PUS10: variants seen among roughly 807,000 people sequenced by gnomAD.
PUS10 encodes pseudouridine synthase 10.
A neutral mutation model predicts 75.0 loss-of-function variants in PUS10; 59 were observed. The observed-to-expected ratio is 0.79, with a 90% CI of 0.64 to 0.98. The LOEUF (loss-of-function observed/expected upper bound fraction) is 0.98, where lower values mean the gene tolerates loss of function less well. Among genes scored for constraint, PUS10 ranks in the 50% least tolerant of loss-of-function variants. PUS10 has a pLI of 0.00. For synonymous variants in PUS10, 219 were observed against 211.6 expected (o/e 1.03, Z -0.30); for missense variants, 650 against 614.4 (o/e 1.06, Z -0.61).
At chr2:60,980,850 T>C (rs1272393285) in intron 4 of PUS10, among the ~76,000 whole-genome samples, 2 of 152,234 alleles carry the variant, frequency 1.3e-5, no homozygotes, top group Admixed American at 6.5e-5. Context: ...TAAATTGTTA[T>C]ATGTAGATCA....
In PUS10 at chr2:60,942,157, TG is replaced by T; in HGVS notation, c.*237del. ...ATTTCATTATTCATAGTTTGGTTTG[TG>T]GGGGTGAAAGAGGGAATGAGAAAAA... On this transcript the variant is annotated 3_prime_UTR_variant, in exon 18 of 18. Transcript: ENST00000316752. 1 of 460,074 alleles carries T rather than the reference TG, an allele frequency of 2.2e-6. No homozygotes were observed. Among genetic ancestry groups the T allele is most frequent in the Non-Finnish European group, 4.0e-6 (1 of 252,754 alleles). 28.5% of individuals were successfully genotyped at this position (460,074 alleles called of 1,614,324 possible).
chr2:60,980,558 A>T (rs1275275246), intron 4 of PUS10, among the ~76,000 whole-genome samples: 1 of 152,190 alleles, frequency 6.6e-6, no homozygotes, highest in East Asian at 1.9e-4. Flanking sequence ...TATCATCAGA[A>T]ATCCACTAGC....
intron 16 of PUS10, among the ~76,000 whole-genome samples, chr2:60,947,820 C>T (rs1334091755): frequency 4.0e-5 from 5 of 124,930 alleles, no homozygotes; most frequent in African/African-American, 1.5e-4. Context: ...CAGAGCGAGA[C>T]TCTGCCTCAA....
At chr2:60,963,002 C>G in intron 8 of PUS10, 112 bp from the exon 9 acceptor site, 1 of 1,405,476 alleles carries the variant, frequency 7.1e-7, no homozygotes, top group Non-Finnish European at 9.2e-7. Context: ...TATATCATTT[C>G]ATATACTTAA....
chr2:60,950,263 A>G (rs958881093), intron 15 of PUS10, among the ~76,000 whole-genome samples: 4 of 152,226 alleles, frequency 2.6e-5, no homozygotes, highest in Non-Finnish European at 4.4e-5. Context: ...AAATATTCAC[A>G]CTATAAACAT....
intron 11 of PUS10, among the ~76,000 whole-genome samples, chr2:60,956,974 C>CAAAAAAAAAAAAAAAA (rs56804354): frequency 3.6e-4 from 7 of 19,248 alleles, no homozygotes; most frequent in African/African-American, 9.5e-4. Context: ...GACTCCATCT[C>CAAAAAAAAAAAAAAAA]AAAAAAAAAA....
At chr2:60,955,385 A>G (rs1198492738) in intron 11 of PUS10, among the ~76,000 whole-genome samples, 2 of 152,072 alleles carry the variant, frequency 1.3e-5, no homozygotes, top group Admixed American at 6.6e-5. Flanking sequence ...GCTGGAGTGC[A>G]GCAGCGTGAT....
intron 4 of PUS10, among the ~76,000 whole-genome samples, chr2:60,992,724 T>C (rs1558960251): frequency 6.6e-6 from 1 of 152,222 alleles, no homozygotes; most frequent in African/African-American, 2.4e-5. Context: ...CATGACCACA[T>C]TTAAATAAAA....
In PUS10 at chr2:60,954,075, G is replaced by A; in HGVS notation, c.1134+7C>T. 5 of 1,613,476 alleles carry A rather than the reference G, an allele frequency of 3.1e-6. No homozygotes were observed. The highest frequency in any genetic ancestry group is 4.2e-6 in the Non-Finnish European group (5 of 1,179,366). Reference sequence around the variant, plus strand: ...CATGACGATTTCCATGGCATGAAGTGGTTTACCTGCTGAAGTTCCTTAATT... The same window carrying A: ...CATGACGATTTCCATGGCATGAAGTAGTTTACCTGCTGAAGTTCCTTAATT... On this transcript the variant is annotated splice_region_variant and intron_variant, in intron 13 of 17. Coordinates refer to ENST00000316752, the MANE Select transcript of PUS10 (RefSeq NM_144709.4).
At chr2:60,995,779 G>C (rs1429070293) in intron 4 of PUS10, among the ~76,000 whole-genome samples, 2 of 151,966 alleles carry the variant, frequency 1.3e-5, no homozygotes, top group Non-Finnish European at 2.9e-5. Context: ...TTTTAAAGAG[G>C]CCAAATGTGA....
rs745465894 is a variant in PUS10, at chr2:61,017,768, C to T, written c.-16+240G>A. 69 of 1,549,342 alleles carry T rather than the reference C, an allele frequency of 4.5e-5. No homozygotes were observed. Among genetic ancestry groups the T allele is most frequent in the Non-Finnish European group, 5.6e-5 (64 of 1,146,576 alleles). On this transcript the variant is annotated intron_variant, in intron 1 of 17. Coordinates refer to ENST00000316752, the MANE Select transcript of PUS10 (RefSeq NM_144709.4). Reference sequence around the variant, plus strand: ...GAGAGGAGGCGGAGGAGATGGCGTCCCAGCCGCCACCTCCCCCCAAACCCT... The same window carrying T: ...GAGAGGAGGCGGAGGAGATGGCGTCTCAGCCGCCACCTCCCCCCAAACCCT...
chr2:60,979,630 G>A (rs970474962), intron 4 of PUS10, among the ~76,000 whole-genome samples: 7 of 152,022 alleles, frequency 4.6e-5, no homozygotes, highest in African/African-American at 1.7e-4. Flanking sequence ...CTGAATCTAG[G>A]TGTCTCCTCT....
chr2:60,961,238 T>A (rs1241868116), intron 10 of PUS10, among the ~76,000 whole-genome samples: 1 of 152,226 alleles, frequency 6.6e-6, no homozygotes, highest in East Asian at 1.9e-4. Context: ...CTAGGAAGTG[T>A]CATTTCCCTT....
At position 61,006,642 on chromosome 2, in the gene PUS10, A is replaced by G; in HGVS notation, c.383T>C (p.Val128Ala). The G allele has an allele frequency of 1.9e-6, 3 of 1,610,272 alleles. No individual in the cohort carries two copies. Among genetic ancestry groups the G allele is most frequent in the Non-Finnish European group, 2.5e-6 (3 of 1,178,132 alleles). The stretch of plus-strand genomic sequence containing the variant: ...CCCAGAGGCCTCAACCTTTTGGCAC[A>G]CCTGAAAAAGCATTACAATTATGTA... ...EFCEKDFIKK[V>A]CQKVEASGFE... The change falls in exon 4 of 18, where the codon GTG becomes GCG. Residue 128 changes from valine (V) to alanine (A), a missense_variant and splice_region_variant. Transcript: ENST00000316752.
At chr2:60,997,474 G>A (rs1384135873) in intron 4 of PUS10, among the ~76,000 whole-genome samples, 1 of 152,094 alleles carries the variant, frequency 6.6e-6, no homozygotes, top group African/African-American at 2.4e-5. Flanking sequence ...GCCAGGCCGG[G>A]TGGCAGGCAC....
chr2:60,952,523 C>A (rs891447813), intron 15 of PUS10, among the ~76,000 whole-genome samples: 10 of 152,182 alleles, frequency 6.6e-5, no homozygotes, highest in African/African-American at 2.4e-4. Flanking sequence ...TGTATTTAAT[C>A]TCAGCATCAG....
intron 4 of PUS10, among the ~76,000 whole-genome samples, chr2:61,003,403 A>G (rs1016047409): frequency 1.3e-5 from 2 of 151,530 alleles, no homozygotes; most frequent in Non-Finnish European, 2.9e-5. Context: ...CGGAGGCTGC[A>G]GTGAGCAGAG....
chr2:60,988,294 A>G (rs1269360664), intron 4 of PUS10, among the ~76,000 whole-genome samples: 4 of 152,128 alleles, frequency 2.6e-5, no homozygotes, highest in African/African-American at 9.7e-5. Context: ...TTAGGTGTAA[A>G]TTCTAATATT....
chr2:60,945,456 T>C (rs1674886948), intron 16 of PUS10, among the ~76,000 whole-genome samples: 2 of 152,244 alleles, frequency 1.3e-5, no homozygotes, highest in Admixed American at 1.3e-4. Context: ...TTCTATGTTA[T>C]TATCTTGTTA....
Sources: gnomAD v4.1 joint callset for allele counts (sites outside exome capture counted in the v4.1 genomes callset) on GRCh38, gnomAD v4.1.1 for gene constraint, MANE v1.5 for transcripts, NCBI Gene and HGNC (gene_info 2026-07-23, HGNC 2026-07-21) for gene names.